The following RBFOX1 variants were observed in gnomAD, a reference collection of about 807,000 sequenced individuals.
The protein encoded by RBFOX1 is RNA binding fox-1 homolog 1.
A neutral mutation model predicts 57.7 loss-of-function variants in RBFOX1; 8 were observed. The ratio of observed to expected loss-of-function variants is 0.14; its 90% confidence interval spans 0.08 to 0.25. The LOEUF (loss-of-function observed/expected upper bound fraction) is 0.25, where lower values mean the gene tolerates loss of function less well. Among genes scored for constraint, RBFOX1 ranks in the 10% least tolerant of loss-of-function variants. The probability of loss-of-function intolerance (pLI) is 1.00; values close to 1 mark genes in which losing one functional copy is unlikely to be tolerated. For missense variants in RBFOX1, 611 were observed against 548.5 expected, an observed-to-expected ratio of 1.11 and a Z score of -1.14; for synonymous variants, 326 against 222.4, an observed-to-expected ratio of 1.47 and a Z score of -4.15.
chr16:7,379,252 T>G (rs2097743625), intron 4 of RBFOX1, among the ~76,000 whole-genome samples: 1 of 152,176 alleles, frequency 6.6e-6, no homozygotes, highest in African/African-American at 2.4e-5. Flanking sequence ...CACCATAAAC[T>G]AAAGAGTTTC....
chr16:5,603,028 T>C (rs4786046), downstream of RBFOX1, among the ~76,000 whole-genome samples: 16 of 152,128 alleles, frequency 1.1e-4, no homozygotes, highest in Middle Eastern at 6.8e-3. Context: ...TTTTTGGTCC[T>C]TGCCTGCTCC....
At chr16:7,532,352 G>A (rs1264910678) in intron 5 of RBFOX1, among the ~76,000 whole-genome samples, 1 of 152,132 alleles carries the variant, frequency 6.6e-6, no homozygotes, top group Non-Finnish European at 1.5e-5. Flanking sequence ...GGGGAGATGA[G>A]CCCCAGAGAG....
chr16:6,683,632 C>CTGGATATGTGTT (rs2059000725), intron 3 of RBFOX1, among the ~76,000 whole-genome samples: 1 of 152,158 alleles, frequency 6.6e-6, no homozygotes, highest in Non-Finnish European at 1.5e-5. Context: ...CATATCCAAA[C>CTGGATATGTGTT]TGCATAGACC....
intron 1 of RBFOX1, among the ~76,000 whole-genome samples, chr16:6,095,781 A>G (rs1327016794): frequency 6.6e-6 from 1 of 152,114 alleles, no homozygotes; most frequent in Non-Finnish European, 1.5e-5. Flanking sequence ...GGGGCAGGCT[A>G]ATGACCCACC....
intron 2 of RBFOX1, among the ~76,000 whole-genome samples, chr16:5,495,810 A>G (rs1274346991): frequency 2.0e-5 from 3 of 152,214 alleles, no homozygotes; most frequent in Non-Finnish European, 4.4e-5. Context: ...ATCTTCATGA[A>G]TGTTCCATCC....
intron 1 of RBFOX1, among the ~76,000 whole-genome samples, chr16:6,063,082 T>C (rs143166307): frequency 1.3e-5 from 2 of 152,284 alleles, no homozygotes; most frequent in East Asian, 3.9e-4. Flanking sequence ...TGTAAAATAC[T>C]TTCACAGAAA....
chr16:5,434,628 G>A (rs2067860148), intron 1 of RBFOX1, among the ~76,000 whole-genome samples: 1 of 151,992 alleles, frequency 6.6e-6, no homozygotes, highest in South Asian at 2.1e-4. Flanking sequence ...CTTGTTGTGA[G>A]TTCTCCTTCG....
intron 4 of RBFOX1, among the ~76,000 whole-genome samples, chr16:7,504,727 AT>A (rs2072278492): frequency 1.7e-4 from 1 of 5,758 alleles, no homozygotes; most frequent in East Asian, 2.3e-3. Flanking sequence ...ATATATATAT[AT>A]ATATATATAT....
At chr16:6,601,434 T>C (rs1308762768) in intron 2 of RBFOX1, among the ~76,000 whole-genome samples, 1 of 152,110 alleles carries the variant, frequency 6.6e-6, no homozygotes, top group Admixed American at 6.5e-5. Flanking sequence ...AGTCCTAAAA[T>C]CGGTGTTTGT....
intron 3 of RBFOX1, among the ~76,000 whole-genome samples, chr16:6,877,418 A>G (rs2153305274): frequency 6.6e-6 from 1 of 152,314 alleles, no homozygotes; most frequent in African/African-American, 2.4e-5. Flanking sequence ...CTGCATTATT[A>G]AATCACAGAG....
intron 1 of RBFOX1, among the ~76,000 whole-genome samples, chr16:5,406,364 G>T (rs551117859): frequency 6.6e-6 from 1 of 152,192 alleles, no homozygotes; most frequent in Non-Finnish European, 1.5e-5. Flanking sequence ...GGGAGAGTTA[G>T]CTCTGACTGC....
chr16:6,068,154 C>T (rs12149046), intron 1 of RBFOX1, among the ~76,000 whole-genome samples: 34,270 of 152,060 alleles, frequency 0.23, 4,899 homozygotes, highest in Non-Finnish European at 0.32. Flanking sequence ...GGATGCGAGG[C>T]TGTGTTTCTT....
chr16:6,144,683 G>C (rs1425735798), intron 1 of RBFOX1, among the ~76,000 whole-genome samples: 2 of 152,238 alleles, frequency 1.3e-5, no homozygotes, highest in South Asian at 2.1e-4. Context: ...GATGCTGTCA[G>C]CTTTTCTCAT....
At chr16:6,309,554 G>A (rs1054035873) in intron 1 of RBFOX1, among the ~76,000 whole-genome samples, 1 of 152,150 alleles carries the variant, frequency 6.6e-6, no homozygotes, top group Non-Finnish European at 1.5e-5. Context: ...CCATAATTGG[G>A]AGGATTATTT....
intron 2 of RBFOX1, among the ~76,000 whole-genome samples, chr16:6,604,255 A>G (rs368237994): frequency 1.3e-5 from 2 of 152,196 alleles, no homozygotes; most frequent in Middle Eastern, 3.2e-3. Context: ...TGTCTATCAA[A>G]GCCATCAAAA....
chr16:6,896,927 A>C (rs2067074218), intron 3 of RBFOX1, among the ~76,000 whole-genome samples: 1 of 152,168 alleles, frequency 6.6e-6, no homozygotes, highest in Non-Finnish European at 1.5e-5. Flanking sequence ...TGGTGAAAGA[A>C]AGCAAAGAAA....
At chr16:5,752,001 T>C (rs1054267015) in intron 3 of RBFOX1, among the ~76,000 whole-genome samples, 3 of 152,144 alleles carry the variant, frequency 2.0e-5, no homozygotes, top group Non-Finnish European at 4.4e-5. Context: ...CTATTCACAA[T>C]AGCAAAGACA....
At chr16:6,538,664 C>T (rs2096768592) in intron 2 of RBFOX1, among the ~76,000 whole-genome samples, 1 of 152,174 alleles carries the variant, frequency 6.6e-6, no homozygotes, top group Non-Finnish European at 1.5e-5. Context: ...GGCACACCTG[C>T]TGTAGAAAAC....
chr16:6,588,789 T>C (rs2097667985), intron 2 of RBFOX1, among the ~76,000 whole-genome samples: 1 of 152,228 alleles, frequency 6.6e-6, no homozygotes, highest in African/African-American at 2.4e-5. Flanking sequence ...TCCCTGTCAT[T>C]CAGTTCAACT....
Sources: allele counts gnomAD v4.1 joint callset (sites outside exome capture counted in the v4.1 genomes callset), GRCh38; gene constraint gnomAD v4.1.1; transcripts MANE v1.5; gene names NCBI Gene and HGNC (gene_info 2026-07-23, HGNC 2026-07-21).